The following FHIT variants were observed in gnomAD, a reference collection of about 807,000 sequenced individuals.
FHIT encodes the protein fragile histidine triad diadenosine triphosphatase, also known as bis(5'-adenosyl)-triphosphatase.
In FHIT, 19 loss-of-function variants were observed where a neutral mutation model predicts 17.9. The ratio of observed to expected loss-of-function variants is 1.06; its 90% CI spans 0.74 to 1.56. FHIT has a LOEUF of 1.56. FHIT is among the 40% of genes most tolerant of loss of function. The probability of loss-of-function intolerance (pLI) is 0.00; values close to 1 mark genes in which losing one functional copy is unlikely to be tolerated. For synonymous variants in FHIT, 81 were observed against 69.7 expected (o/e 1.16, Z -0.81); for missense variants, 248 against 189.2 (o/e 1.31, Z -1.82).
In FHIT at chr3:59,750,100, G is replaced by T. The variant is rs1382741104; in HGVS notation, c.*6-521C>A. 3 of 226,390 alleles carry T rather than the reference G, an allele frequency of 1.3e-5. No homozygotes were observed. The Admixed American group carries it at 1.7e-4, about 13-fold the overall frequency. The allele number at this position is 226,390 out of a possible 1,614,324, so 14.0% of individuals were successfully genotyped here. A position where few individuals can be genotyped will look rare whatever the true frequency, so the allele number is the denominator to read the frequency against. ...ATATCTTTCTGGTAAGATGTACAAGGGAAGTCAATTTACCTGGAAGACAGG... is the reference window on the plus strand; with the variant it reads ...ATATCTTTCTGGTAAGATGTACAAGTGAAGTCAATTTACCTGGAAGACAGG... On this transcript the variant is annotated intron_variant, in intron 9 of 9. Coordinates refer to ENST00000492590, the MANE Select transcript of FHIT (RefSeq NM_002012.4).
chr3:60,278,052 A>G (rs1053946964), intron 5 of FHIT, among the ~76,000 whole-genome samples: 2 of 152,184 alleles, frequency 1.3e-5, no homozygotes, highest in Non-Finnish European at 2.9e-5. Context: ...CAGATTACCT[A>G]AAGCAAAAAC....
intron 3 of FHIT, among the ~76,000 whole-genome samples, chr3:60,893,368 A>C (rs1008998961): frequency 6.6e-6 from 1 of 152,224 alleles, no homozygotes; most frequent in Non-Finnish European, 1.5e-5. Flanking sequence ...ACTTGTATTA[A>C]ATACATTTGT....
intron 3 of FHIT, among the ~76,000 whole-genome samples, chr3:60,963,620 G>A (rs1165349528): frequency 6.6e-6 from 1 of 152,088 alleles, no homozygotes; most frequent in African/African-American, 2.4e-5. Flanking sequence ...AGAGATTCTG[G>A]TATGTTGTGT....
chr3:61,007,659 A>G (rs2031539822), intron 3 of FHIT, among the ~76,000 whole-genome samples: 2 of 152,098 alleles, frequency 1.3e-5, no homozygotes, highest in Admixed American at 6.5e-5. Context: ...GGGTTCCCTT[A>G]TGCATGCAAA....
At chr3:61,079,724 C>T (rs186872164) in intron 2 of FHIT, among the ~76,000 whole-genome samples, 55 of 152,268 alleles carry the variant, frequency 3.6e-4, no homozygotes, top group Admixed American at 1.4e-3. Flanking sequence ...TTACTCTGTG[C>T]TCAATTTATC....
chr3:61,071,684 T>A (rs906066516), intron 2 of FHIT, among the ~76,000 whole-genome samples: 1 of 152,102 alleles, frequency 6.6e-6, no homozygotes, highest in Non-Finnish European at 1.5e-5. Context: ...ATGTTTATAA[T>A]AAGTATTTCC....
chr3:60,243,876 G>C (rs1306607120), intron 5 of FHIT, among the ~76,000 whole-genome samples: 1 of 152,142 alleles, frequency 6.6e-6, no homozygotes, highest in Non-Finnish European at 1.5e-5. Context: ...GAAAGTACCA[G>C]ATGTGCTCTC....
At chr3:60,025,748 A>G (rs952119409) in intron 5 of FHIT, among the ~76,000 whole-genome samples, 17 of 152,096 alleles carry the variant, frequency 1.1e-4, no homozygotes, top group East Asian at 5.8e-4. Flanking sequence ...AAAAAAAAAA[A>G]AGAGAGAGTG....
At chr3:60,368,227 G>A (rs1346109839) in intron 5 of FHIT, among the ~76,000 whole-genome samples, 1 of 147,610 alleles carries the variant, frequency 6.8e-6, no homozygotes, top group Non-Finnish European at 1.5e-5. Context: ...CTGAGGAACT[G>A]TTTTCCAAAG....
intron 5 of FHIT, among the ~76,000 whole-genome samples, chr3:60,086,367 C>A (rs555075569): frequency 6.6e-6 from 1 of 152,274 alleles, no homozygotes; most frequent in East Asian, 1.9e-4. Context: ...TAGCATTCCA[C>A]TCCTGGATTC....
At chr3:59,759,069 A>G (rs774537548) in intron 8 of FHIT, among the ~76,000 whole-genome samples, 3 of 152,060 alleles carry the variant, frequency 2.0e-5, no homozygotes. Flanking sequence ...GATGTAGCAT[A>G]TAAGTTGAGG....
chr3:59,905,736 G>C (rs544782214), intron 8 of FHIT, among the ~76,000 whole-genome samples: 123 of 152,196 alleles, frequency 8.1e-4, no homozygotes, highest in Non-Finnish European at 1.6e-3. Flanking sequence ...GCCTATAAAA[G>C]AATAGAAAAC....
chr3:61,049,722 C>A (rs1397943841), intron 2 of FHIT, among the ~76,000 whole-genome samples: 1 of 152,128 alleles, frequency 6.6e-6, no homozygotes, highest in African/African-American at 2.4e-5. Flanking sequence ...TCAGGACATG[C>A]TTTCCTAAAA....
At chr3:61,093,424 G>A (rs2035545099) in intron 2 of FHIT, among the ~76,000 whole-genome samples, 1 of 152,166 alleles carries the variant, frequency 6.6e-6, no homozygotes, top group Admixed American at 6.5e-5. Flanking sequence ...CAGGCATGCT[G>A]CTTACAGGGA....
intron 3 of FHIT, among the ~76,000 whole-genome samples, chr3:60,880,880 C>G (rs1449632045): frequency 6.6e-6 from 1 of 152,044 alleles, no homozygotes; most frequent in Non-Finnish European, 1.5e-5. Context: ...AAAGGATATG[C>G]AAAATAACCA....
At chr3:60,054,067 A>T (rs193281631) in intron 5 of FHIT, among the ~76,000 whole-genome samples, 33 of 152,340 alleles carry the variant, frequency 2.2e-4, no homozygotes, top group Admixed American at 1.2e-3. Context: ...AATTTTGCTC[A>T]ATCATCAAAA....
chr3:60,109,204 C>T lies in FHIT; in HGVS notation c.104-95052G>A, dbSNP rs568917894. 2.5e-3 allele frequency among the ~76,000 whole-genome samples: 382 copies of T among 152,170 alleles called. 2 individuals are homozygous for T. Among genetic ancestry groups the T allele is most frequent in the African/African-American group, 9.0e-3 (375 of 41,518 alleles). On this transcript the variant is annotated intron_variant, in intron 5 of 9. Transcript: ENST00000492590. ...GTTTCAGCCAGGAAGTTTTTTCTCC[C>T]CCATCTCATATATTAAAATGGGCCT...
intron 3 of FHIT, among the ~76,000 whole-genome samples, chr3:60,979,640 T>G (rs921707239): frequency 6.6e-6 from 1 of 152,172 alleles, no homozygotes; most frequent in Non-Finnish European, 1.5e-5. Context: ...TCTGTTTAGA[T>G]GACACTAAAG....
intron 8 of FHIT, among the ~76,000 whole-genome samples, chr3:59,775,696 T>G (rs1469934693): frequency 6.6e-6 from 1 of 152,190 alleles, no homozygotes; most frequent in Non-Finnish European, 1.5e-5. Context: ...AATCTTAGAA[T>G]GGTTTCCCCT....
Sources: allele counts gnomAD v4.1 joint callset (sites outside exome capture counted in the v4.1 genomes callset), GRCh38; gene constraint gnomAD v4.1.1; transcripts MANE v1.5; gene names NCBI Gene and HGNC (gene_info 2026-07-23, HGNC 2026-07-21).